The following MED14 variants were observed in gnomAD, a reference collection of about 807,000 sequenced individuals.
MED14 encodes mediator complex subunit 14, also known as mediator of RNA polymerase II transcription subunit 14.
Under a neutral mutation model 109.0 loss-of-function variants are expected in MED14, and 8 were observed. The ratio of observed to expected loss-of-function variants is 0.07; its 90% CI spans 0.04 to 0.13. The LOEUF (loss-of-function observed/expected upper bound fraction) is 0.13. Ranked by LOEUF, MED14 falls within the 10% of genes least tolerant of loss-of-function variation. The pLI is 1.00. For synonymous variants in MED14, 399 were observed against 408.7 expected, an observed-to-expected ratio of 0.98 and a Z score of 0.29; for missense variants, 711 against 1,142.4, an observed-to-expected ratio of 0.62 and a Z score of 5.44.
At chrX:40,708,744 C>T (rs998916981) in intron 10 of MED14, among the ~76,000 whole-genome samples, 3 of 111,667 alleles carry the variant, frequency 2.7e-5, no homozygotes, top group Admixed American at 9.5e-5. Flanking sequence ...GGTAATTAAA[C>T]TTGGAAGATT....
At chrX:40,717,673 C>T (rs746514813) in intron 3 of MED14, among the ~76,000 whole-genome samples, 1 of 111,101 alleles carries the variant, frequency 9.0e-6, no homozygotes, top group South Asian at 3.8e-4. Context: ...CAGGAGTGCA[C>T]CACCACCCCC....
At chrX:40,707,107 GGATAGATAGATAGATAGATA>G (rs544581828) in intron 10 of MED14, among the ~76,000 whole-genome samples, 5 of 101,296 alleles carry the variant, frequency 4.9e-5, no homozygotes, top group Non-Finnish European at 8.0e-5. Flanking sequence ...ATACATAGAT[GGATAGATAGATAGATAGATA>G]GATAGATAGA....
chrX:40,702,346 GTTTT>G (rs35345632), intron 11 of MED14, among the ~76,000 whole-genome samples: 1 of 82,202 alleles, frequency 1.2e-5, no homozygotes, highest in Non-Finnish European at 2.3e-5. Context: ...TATAAGTTTT[GTTTT>G]TTTTTTTTTT....
chrX:40,684,271 T>C (rs1260094347), intron 16 of MED14, among the ~76,000 whole-genome samples: 2 of 111,264 alleles, frequency 1.8e-5, no homozygotes, highest in African/African-American at 6.5e-5. Flanking sequence ...CACTTCCTAC[T>C]CCCTCTTCTC....
chrX:40,671,271 A>G (rs1027143991), intron 23 of MED14, among the ~76,000 whole-genome samples: 24 of 111,470 alleles, frequency 2.2e-4, no homozygotes, highest in Non-Finnish European at 3.6e-4. Context: ...TGCTCAAGAG[A>G]TACCACTGAA....
intron 16 of MED14, among the ~76,000 whole-genome samples, 182 bp from the exon 17 acceptor site, chrX:40,683,178 T>C (rs962026704): frequency 3.2e-4 from 36 of 112,605 alleles, no homozygotes; most frequent in African/African-American, 1.2e-3. Context: ...CACATCAATA[T>C]GGATTAGAAC....
At chrX:40,719,492 C>T (rs1391715818) in intron 3 of MED14, among the ~76,000 whole-genome samples, 1 of 110,999 alleles carries the variant, frequency 9.0e-6, no homozygotes, top group Non-Finnish European at 1.9e-5. Flanking sequence ...CAAGCTACCA[C>T]ATGAATCAAT....
At chrX:40,725,082 G>C (rs1931850545) in intron 3 of MED14, among the ~76,000 whole-genome samples, 1 of 111,685 alleles carries the variant, frequency 9.0e-6, no homozygotes, top group Admixed American at 9.5e-5. Context: ...TAAATTCCTA[G>C]ACACATACAA....
intron 3 of MED14, among the ~76,000 whole-genome samples, chrX:40,722,739 A>C (rs1455503189): frequency 1.8e-5 from 2 of 111,673 alleles, no homozygotes; most frequent in Admixed American, 1.9e-4. Context: ...GAAACAAATA[A>C]CATACAATGG....
intron 22 of MED14, among the ~76,000 whole-genome samples, 172 bp downstream of exon 22, chrX:40,675,049 C>T (rs901701954): frequency 2.7e-5 from 3 of 112,618 alleles, no homozygotes; most frequent in African/African-American, 9.7e-5. Flanking sequence ...CTATTCATTT[C>T]TTGTCACTGG....
intron 12 of MED14, among the ~76,000 whole-genome samples, chrX:40,697,948 T>C (rs960189549): frequency 8.9e-6 from 1 of 111,873 alleles, no homozygotes; most frequent in African/African-American, 3.3e-5. Flanking sequence ...TGTTATAATA[T>C]ATGACATTTT....
At chrX:40,689,117 G>A (rs1331326691) in intron 15 of MED14, among the ~76,000 whole-genome samples, 1 of 112,027 alleles carries the variant, frequency 8.9e-6, no homozygotes, top group Non-Finnish European at 1.9e-5. Flanking sequence ...CTTTCCATGG[G>A]ACTGCAAGTA....
intron 24 of MED14, 44 bp downstream of exon 24, chrX:40,666,676 A>G (rs759542232): frequency 5.9e-6 from 7 of 1,180,061 alleles, no homozygotes; most frequent in African/African-American, 1.8e-5. Context: ...AATTATTTTC[A>G]CATCAAGCTC....
chrX:40,690,828 G>A (rs1367193252), intron 15 of MED14, among the ~76,000 whole-genome samples: 4 of 112,298 alleles, frequency 3.6e-5, no homozygotes, highest in Non-Finnish European at 7.5e-5. Flanking sequence ...AGCTATAACA[G>A]AGACCACTTG....
intron 29 of MED14, 108 bp downstream of exon 29, chrX:40,654,827 T>C (rs940391575): frequency 7.0e-6 from 7 of 1,005,282 alleles, no homozygotes; most frequent in Non-Finnish European, 9.6e-6. Context: ...TCCTGGCCTC[T>C]ATTTGGCAAC....
At chrX:40,694,407 A>G (rs1009048160) in intron 13 of MED14, among the ~76,000 whole-genome samples, 2 of 111,416 alleles carry the variant, frequency 1.8e-5, no homozygotes, top group Non-Finnish European at 3.8e-5. Flanking sequence ...ACAAAAATAT[A>G]TGCCATTAGG....
At chrX:40,665,727 G>A (rs1171419010) in intron 24 of MED14, among the ~76,000 whole-genome samples, 4 of 112,293 alleles carry the variant, frequency 3.6e-5, no homozygotes, top group Non-Finnish European at 7.5e-5. Context: ...ATGGGAAATG[G>A]TACAGCCTTT....
chrX:40,728,287 T>C (rs1931957846), intron 2 of MED14, among the ~76,000 whole-genome samples: 1 of 111,632 alleles, frequency 9.0e-6, no homozygotes, highest in Non-Finnish European at 1.9e-5. Flanking sequence ...TTGTCTCAAG[T>C]GCTAGGCAAC....
intron 9 of MED14, 139 bp downstream of exon 9, chrX:40,709,840 G>A (rs1931274802): frequency 2.6e-6 from 1 of 381,200 alleles, no homozygotes; most frequent in African/African-American, 2.7e-5. Flanking sequence ...TGTAAGAAGT[G>A]TAACATTTAC....
Sources: allele counts gnomAD v4.1 joint callset (sites outside exome capture counted in the v4.1 genomes callset), GRCh38; gene constraint gnomAD v4.1.1; transcripts MANE v1.5; gene names NCBI Gene and HGNC (gene_info 2026-07-23, HGNC 2026-07-21).